The following ANKRD28 variants were observed in gnomAD, a reference collection of about 807,000 sequenced individuals.
ANKRD28 encodes ankyrin repeat domain 28, also known as serine/threonine-protein phosphatase 6 regulatory ankyrin repeat subunit A.
Under a neutral mutation model 126.5 loss-of-function variants are expected in ANKRD28, and 44 were observed. The observed-to-expected ratio is 0.35, with a 90% CI of 0.27 to 0.45. ANKRD28 has a LOEUF of 0.45. Ranked by LOEUF, ANKRD28 falls within the 20% of genes least tolerant of loss-of-function variation. The pLI, the probability that ANKRD28 is intolerant of heterozygous loss-of-function variation, is 1.00. For synonymous variants in ANKRD28, 442 were observed against 468.5 expected, an observed-to-expected ratio of 0.94 and a Z score of 0.73; for missense variants, 1,110 against 1,316.6, an observed-to-expected ratio of 0.84 and a Z score of 2.43.
intron 2 of ANKRD28, among the ~76,000 whole-genome samples, chr3:15,768,020 A>C (rs2058831112): frequency 6.6e-6 from 1 of 152,212 alleles, no homozygotes; most frequent in Non-Finnish European, 1.5e-5. Context: ...ATGCAGGCCA[A>C]TATACTAGCA....
Position 15,797,488 on chromosome 3 carries a change from A to T in ANKRD28, c.-967T>A. The T allele has an allele frequency of 1.0e-6, 1 of 985,312 alleles. No individual in the cohort carries two copies. Among genetic ancestry groups the T allele is most frequent in the Non-Finnish European group, 1.2e-6 (1 of 829,904 alleles). The allele number at this position is 985,312 out of a possible 1,614,324, so 61.0% of individuals were successfully genotyped here. On this transcript the variant is annotated 5_prime_UTR_variant, in exon 1 of 28. Coordinates refer to ENST00000683139, the MANE Select transcript of ANKRD28 (RefSeq NM_001349278.2). Reference sequence around the variant, plus strand: ...TGGTGTTAGTGGAGAATCCTAGTAGAACAAGCAGGCTGTGAAGGAATTAGA... The same window carrying T: ...TGGTGTTAGTGGAGAATCCTAGTAGTACAAGCAGGCTGTGAAGGAATTAGA...
chr3:15,696,125 G>GA lies in ANKRD28; in HGVS notation c.1659+8dup, dbSNP rs2069514742. 2.0e-6 allele frequency: 3 copies of GA among 1,537,376 alleles called. No individual in the cohort carries two copies. Among genetic ancestry groups the GA allele is most frequent in the Admixed American group, 3.8e-5 (2 of 52,616 alleles). On this transcript the variant is annotated intron_variant, in intron 15 of 27. Transcript: ENST00000683139. ...CATTAGGTCTTTCACAAGAATTCAG[G>GA]AATCTTACCAGCTGAAGACATAGAC...
At chr3:15,786,348 A>G (rs1342112258) in intron 2 of ANKRD28, among the ~76,000 whole-genome samples, 1 of 152,072 alleles carries the variant, frequency 6.6e-6, no homozygotes, top group Admixed American at 6.6e-5. Context: ...CTGCTCTACA[A>G]CATAAAATCT....
At chr3:15,824,992 C>A (rs1415463560) in intron 1 of ANKRD28, among the ~76,000 whole-genome samples, 1 of 151,980 alleles carries the variant, frequency 6.6e-6, no homozygotes, top group Non-Finnish European at 1.5e-5. Flanking sequence ...AGGGGTAGTA[C>A]AAAACAATCA....
intron 6 of ANKRD28, among the ~76,000 whole-genome samples, chr3:15,727,305 G>A (rs1231702088): frequency 3.9e-5 from 6 of 151,922 alleles, no homozygotes; most frequent in South Asian, 2.1e-4. Context: ...GGCCAGGTGC[G>A]GTGCCTCACG....
At chr3:15,802,057 GGCTTCCATTTCA>G (rs1472810851), upstream of ANKRD28, among the ~76,000 whole-genome samples, 7 of 152,050 alleles carry the variant, frequency 4.6e-5, 1 homozygote, top group Admixed American at 3.9e-4. Flanking sequence ...CATTCCTCCA[GGCTTCCATTTCA>G]GCTTTAGGTA....
At chr3:15,706,039 AAAAC>A (rs1001236969) in intron 14 of ANKRD28, among the ~76,000 whole-genome samples, 1 of 97,276 alleles carries the variant, frequency 1.0e-5, no homozygotes, top group Non-Finnish European at 2.3e-5. Context: ...AAAACCCACA[AAAAC>A]AAACAAAAAA....
At chr3:15,687,247 T>C (rs908498408) in intron 18 of ANKRD28, among the ~76,000 whole-genome samples, 4 of 152,054 alleles carry the variant, frequency 2.6e-5, no homozygotes, top group Non-Finnish European at 4.4e-5. Context: ...CCAGCCTGCC[T>C]TTCGACATTG....
chr3:15,833,119 T>C lies in ANKRD28; in HGVS notation c.27+26258A>G, dbSNP rs903188741. On this transcript the variant is annotated intron_variant, in intron 1 of 27. Transcript: ENST00000399451. The surrounding 1 kb of genome is among the most constrained non-coding windows in gnomAD (Gnocchi z 4.4). ...AAAACTGAGTGTCAACTTGATTGGA[T>C]TGAAGGATGCAAAGTATTGATCCAG... Among the ~76,000 whole-genome samples, 3 of 152,168 alleles carry C rather than the reference T, an allele frequency of 2.0e-5. No homozygotes were observed. Among genetic ancestry groups the C allele is most frequent in the African/African-American group, 7.2e-5 (3 of 41,446 alleles).
intron 1 of ANKRD28, among the ~76,000 whole-genome samples, chr3:15,819,900 G>C (rs1218315771): frequency 6.6e-6 from 1 of 152,104 alleles, no homozygotes; most frequent in Non-Finnish European, 1.5e-5. Context: ...CAATCATAGG[G>C]CATGGTTATC....
At chr3:15,740,126 C>A (rs903163757) in intron 4 of ANKRD28, among the ~76,000 whole-genome samples, 3 of 152,146 alleles carry the variant, frequency 2.0e-5, no homozygotes, top group African/African-American at 4.8e-5. Context: ...CAAAAGAAGT[C>A]GTGACACAAG....
At chr3:15,741,369 T>A (rs2075457735) in intron 4 of ANKRD28, among the ~76,000 whole-genome samples, 2 of 152,190 alleles carry the variant, frequency 1.3e-5, no homozygotes, top group South Asian at 4.1e-4. Context: ...TAATTCTACA[T>A]CATATTATCA....
intron 11 of ANKRD28, 120 bp downstream of exon 11, chr3:15,712,020 G>A: frequency 1.3e-6 from 1 of 760,668 alleles, no homozygotes; most frequent in Non-Finnish European, 2.2e-6. Flanking sequence ...TCTAAAAGGG[G>A]TTATTAAATT....
chr3:15,689,723 C>T (rs990731515), intron 18 of ANKRD28: 4 of 249,898 alleles, frequency 1.6e-5, no homozygotes, highest in Non-Finnish European at 3.1e-5. Flanking sequence ...CTAGGACCTA[C>T]ATGTAAACAA....
At chr3:15,797,980 G>A, upstream of ANKRD28, 1 of 985,350 alleles carries the variant, frequency 1.0e-6, no homozygotes, top group East Asian at 1.1e-4. Flanking sequence ...CCAGAGATCT[G>A]AGCTACTTCT....
intron 3 of ANKRD28, among the ~76,000 whole-genome samples, chr3:15,753,509 T>C (rs960551692): frequency 6.6e-6 from 1 of 152,208 alleles, no homozygotes; most frequent in Non-Finnish European, 1.5e-5. Flanking sequence ...CTATACACAG[T>C]AGAACGGAAA....
intron 6 of ANKRD28, chr3:15,732,682 T>C (rs1415441658): frequency 6.6e-6 from 1 of 152,174 alleles, no homozygotes; most frequent in African/African-American, 2.4e-5. Context: ...CTGAAACAAA[T>C]GTTTCCTCTC....
intron 2 of ANKRD28, among the ~76,000 whole-genome samples, chr3:15,775,063 G>A (rs2059193994): frequency 1.6e-5 from 2 of 125,686 alleles, no homozygotes; most frequent in Admixed American, 7.9e-5. Flanking sequence ...CTTTAGTAGA[G>A]ATGGAGTTTC....
chr3:15,710,492 C>G (rs112861762), intron 12 of ANKRD28, among the ~76,000 whole-genome samples: 25 of 152,260 alleles, frequency 1.6e-4, no homozygotes, highest in African/African-American at 6.0e-4. Flanking sequence ...TCCATCTCTA[C>G]AACTTAGACT....
Sources: gnomAD v4.1 joint callset for allele counts (sites outside exome capture counted in the v4.1 genomes callset) on GRCh38, gnomAD v4.1.1 for gene constraint, Gnocchi (gnomAD v3.1) non-coding constraint, MANE v1.5 for transcripts, NCBI Gene and HGNC (gene_info 2026-07-23, HGNC 2026-07-21) for gene names.